The following PARD3B variants were observed in gnomAD, a reference collection of about 807,000 sequenced individuals.
PARD3B encodes partitioning defective 3 homolog B.
A neutral mutation model predicts 130.2 loss-of-function variants in PARD3B; 103 were observed. The ratio of observed to expected loss-of-function variants is 0.79; its 90% CI spans 0.67 to 0.93. The LOEUF is 0.93. Among genes scored for constraint, PARD3B ranks in the 40% least tolerant of loss-of-function variants. The pLI is 0.00. For missense variants in PARD3B, 1,609 were observed against 1,499.2 expected (o/e 1.07, Z -1.21); for synonymous variants, 583 against 553.2 (o/e 1.05, Z -0.76).
At chr2:204,999,304 G>A (rs946620333) in intron 3 of PARD3B, among the ~76,000 whole-genome samples, 2 of 152,054 alleles carry the variant, frequency 1.3e-5, no homozygotes, top group South Asian at 2.1e-4. Flanking sequence ...GGAATGACTC[G>A]TTTTGCCTTG....
intron 22 of PARD3B, among the ~76,000 whole-genome samples, chr2:205,605,920 GT>G (rs1330853859): frequency 6.6e-6 from 1 of 152,062 alleles, no homozygotes; most frequent in African/African-American, 2.4e-5. Flanking sequence ...CGAGATCAGA[GT>G]TCTGTCCCTA....
intron 2 of PARD3B, among the ~76,000 whole-genome samples, chr2:204,760,467 TTATTA>T (rs1481078629): frequency 6.6e-5 from 10 of 152,146 alleles, no homozygotes; most frequent in South Asian, 2.1e-4. Flanking sequence ...GAGCAGTATT[TTATTA>T]TATTGTGATT....
intron 15 of PARD3B, among the ~76,000 whole-genome samples, chr2:205,231,389 C>CAAT (rs1390267573): frequency 2.7e-5 from 4 of 150,828 alleles, no homozygotes; most frequent in Non-Finnish European, 5.9e-5. Flanking sequence ...TACAGTGGTG[C>CAAT]AATCATGGCT....
intron 2 of PARD3B, among the ~76,000 whole-genome samples, chr2:204,710,078 T>G (rs1277745360): frequency 6.6e-6 from 1 of 152,252 alleles, no homozygotes; most frequent in Admixed American, 6.5e-5. Context: ...TTAATACTTC[T>G]ATTTCTTACG....
chr2:204,741,453 C>T (rs975089292), intron 2 of PARD3B, among the ~76,000 whole-genome samples: 10 of 152,012 alleles, frequency 6.6e-5, no homozygotes, highest in South Asian at 2.1e-4. Flanking sequence ...TAGCCACCTG[C>T]GACACTAACT....
intron 1 of PARD3B, among the ~76,000 whole-genome samples, chr2:204,568,413 G>C (rs944731445): frequency 6.6e-6 from 1 of 152,126 alleles, no homozygotes; most frequent in African/African-American, 2.4e-5. Context: ...TTCTTGACTG[G>C]GAAACCATTT....
At chr2:205,099,018 G>C (rs1355734404) in intron 4 of PARD3B, among the ~76,000 whole-genome samples, 1 of 152,102 alleles carries the variant, frequency 6.6e-6, no homozygotes, top group Non-Finnish European at 1.5e-5. Flanking sequence ...TCTGTTCCCT[G>C]CTCTGATGAA....
intron 22 of PARD3B, among the ~76,000 whole-genome samples, chr2:205,574,193 G>C (rs1278971699): frequency 6.6e-6 from 1 of 152,170 alleles, no homozygotes; most frequent in Non-Finnish European, 1.5e-5. Context: ...CAACTTCCTG[G>C]TGAGAACCTC....
At chr2:205,225,384 C>G (rs977586955) in intron 15 of PARD3B, among the ~76,000 whole-genome samples, 1 of 151,986 alleles carries the variant, frequency 6.6e-6, no homozygotes, top group Non-Finnish European at 1.5e-5. Flanking sequence ...TTTACTATAC[C>G]TGTTTGCCAT....
chr2:205,376,810 G>A (rs1181719620), intron 18 of PARD3B, among the ~76,000 whole-genome samples: 1 of 152,168 alleles, frequency 6.6e-6, no homozygotes, highest in Non-Finnish European at 1.5e-5. Context: ...TGGGTGAGGT[G>A]GAGGGTCTGG....
chr2:205,367,095 C>G (rs1291913147), intron 18 of PARD3B, among the ~76,000 whole-genome samples: 1 of 152,176 alleles, frequency 6.6e-6, no homozygotes, highest in African/African-American at 2.4e-5. Context: ...TCAAATAGTG[C>G]CTTGCATCTT....
At chr2:205,157,191 T>C (rs2034226807) in intron 10 of PARD3B, among the ~76,000 whole-genome samples, 1 of 152,286 alleles carries the variant, frequency 6.6e-6, no homozygotes, top group East Asian at 1.9e-4. Flanking sequence ...GAAACATAAA[T>C]GGTTTTGAAA....
intron 18 of PARD3B, among the ~76,000 whole-genome samples, chr2:205,337,736 A>T (rs989049507): frequency 6.6e-6 from 1 of 152,240 alleles, no homozygotes; most frequent in African/African-American, 2.4e-5. Flanking sequence ...ATCATAACTT[A>T]CTTTCTTTTT....
chr2:204,580,851 TGGG>T (rs891706016), intron 1 of PARD3B, among the ~76,000 whole-genome samples: 3 of 152,200 alleles, frequency 2.0e-5, no homozygotes, highest in Non-Finnish European at 4.4e-5. Context: ...GGAAAGGAGT[TGGG>T]GGAGTAGAAT....
intron 3 of PARD3B, among the ~76,000 whole-genome samples, chr2:204,973,608 C>T (rs537272599): frequency 6.7e-6 from 1 of 150,006 alleles, no homozygotes; most frequent in African/African-American, 2.4e-5. Context: ...TAATTATTTA[C>T]AGAAGATCCA....
intron 1 of PARD3B, among the ~76,000 whole-genome samples, chr2:204,632,750 C>A (rs2125141924): frequency 6.6e-6 from 1 of 152,288 alleles, no homozygotes; most frequent in Admixed American, 6.5e-5. Flanking sequence ...CTTCTGTTGG[C>A]TGGGTGTGGG....
At chr2:204,816,439 T>C (rs1164060659) in intron 2 of PARD3B, among the ~76,000 whole-genome samples, 1 of 151,988 alleles carries the variant, frequency 6.6e-6, no homozygotes, top group Non-Finnish European at 1.5e-5. Flanking sequence ...CTTCTGGTGA[T>C]ACATTTTTGC....
chr2:205,088,567 A>C (rs998966878), intron 4 of PARD3B, among the ~76,000 whole-genome samples: 2 of 152,188 alleles, frequency 1.3e-5, no homozygotes, highest in Non-Finnish European at 2.9e-5. Context: ...AACTATGTTA[A>C]GTAAAAATCA....
rs910694915 is a variant in PARD3B, at chr2:205,405,352, C to T, written c.2741+4229C>T. Among the ~76,000 whole-genome samples the T allele has an allele frequency of 7.2e-5, 11 of 152,128 alleles. No homozygotes were observed. The highest frequency in any genetic ancestry group is 1.2e-4 in the Non-Finnish European group (8 of 68,020). ...TCTTACAATGCACAGGACAGCTACC[C>T]TCCCCCACAACATGAATCATCCAAC... On this transcript the variant is annotated intron_variant, in intron 19 of 22. Transcript: ENST00000406610. The surrounding 1 kb of genome is among the most constrained non-coding windows in gnomAD (Gnocchi z 4.1).
Sources: gnomAD v4.1 joint callset for allele counts (sites outside exome capture counted in the v4.1 genomes callset) on GRCh38, gnomAD v4.1.1 for gene constraint, Gnocchi (gnomAD v3.1) non-coding constraint, MANE v1.5 for transcripts, NCBI Gene and HGNC (gene_info 2026-07-23, HGNC 2026-07-21) for gene names.